Variants in TNFRSF19 observed in about 807,000 individuals in gnomAD.
TNFRSF19 encodes the protein tumor necrosis factor receptor superfamily member 19.
In TNFRSF19, 27 loss-of-function variants were observed where a neutral mutation model predicts 46.4. That is an observed-to-expected ratio of 0.58 (90% CI 0.43 to 0.80). TNFRSF19 has a LOEUF of 0.80. Among genes scored for constraint, TNFRSF19 ranks in the 30% least tolerant of loss-of-function variants. TNFRSF19 has a pLI of 0.00. For missense variants in TNFRSF19, 511 were observed against 530.8 expected, an observed-to-expected ratio of 0.96 and a Z score of 0.37; for synonymous variants, 204 against 205.0, an observed-to-expected ratio of 1.00 and a Z score of 0.04.
At chr13:23,591,765 C>T (rs1453805172) in intron 2 of TNFRSF19, among the ~76,000 whole-genome samples, 3 of 140,362 alleles carry the variant, frequency 2.1e-5, no homozygotes, top group African/African-American at 8.2e-5. Flanking sequence ...TTCGCTTTGT[C>T]ACCAGGCTGG....
intron 5 of TNFRSF19, among the ~76,000 whole-genome samples, chr13:23,643,779 T>A (rs1057426854): frequency 6.6e-6 from 1 of 152,202 alleles, no homozygotes; most frequent in Non-Finnish European, 1.5e-5. Flanking sequence ...TCTAAATAAC[T>A]AAATAACCTC....
chr13:23,627,196 C>T (rs747111689), intron 5 of TNFRSF19, among the ~76,000 whole-genome samples: 2 of 152,164 alleles, frequency 1.3e-5, no homozygotes, highest in African/African-American at 4.8e-5. Context: ...GGTGGCATCT[C>T]TGCCTTCCCA....
intron 7 of TNFRSF19, among the ~76,000 whole-genome samples, chr13:23,664,522 CG>C (rs1203145908): frequency 3.9e-5 from 6 of 152,214 alleles, no homozygotes; most frequent in African/African-American, 1.4e-4. Flanking sequence ...CCAGTTCCCC[CG>C]TCCTCTTACT....
Position 23,659,568 on chromosome 13 carries a change from G to A in TNFRSF19, c.610+354G>A, listed in dbSNP as rs182553236. 2.2e-4 allele frequency among the ~76,000 whole-genome samples: 34 copies of A among 152,192 alleles called. No homozygotes were observed. Among genetic ancestry groups the A allele is most frequent in the Admixed American group, 6.5e-4 (10 of 15,296 alleles). On this transcript the variant is annotated intron_variant, in intron 6 of 9. Transcript: ENST00000248484. The surrounding 1 kb of genome is among the most constrained non-coding windows in gnomAD (Gnocchi z 4.9). ...GTCACCCAGGCTGGAGGGCAGTGGCGTGACTTCAGCTCATGGCAACCTCTG... is the reference window on the plus strand; with the variant it reads ...GTCACCCAGGCTGGAGGGCAGTGGCATGACTTCAGCTCATGGCAACCTCTG...
chr13:23,639,428 C>A (rs2138332413), intron 5 of TNFRSF19, among the ~76,000 whole-genome samples: 1 of 152,218 alleles, frequency 6.6e-6, no homozygotes, highest in African/African-American at 2.4e-5. Flanking sequence ...ATTCATATAG[C>A]CCCCGTAGCA....
At chr13:23,581,382 G>A (rs1000967114) in intron 1 of TNFRSF19, among the ~76,000 whole-genome samples, 13 of 151,996 alleles carry the variant, frequency 8.6e-5, no homozygotes, top group South Asian at 6.2e-4. Context: ...TCCTGACCGC[G>A]TGATCCGCCT....
At chr13:23,575,133 T>C (rs1413430452) in intron 1 of TNFRSF19, among the ~76,000 whole-genome samples, 1 of 152,210 alleles carries the variant, frequency 6.6e-6, no homozygotes, top group Non-Finnish European at 1.5e-5. Context: ...AAGCCAGCCC[T>C]AGGTCGGGGA....
At chr13:23,589,670 A>G (rs1327116529) in intron 1 of TNFRSF19, among the ~76,000 whole-genome samples, 1 of 152,360 alleles carries the variant, frequency 6.6e-6, no homozygotes, top group African/African-American at 2.4e-5. Context: ...GGGAATAATG[A>G]TAGGATCTAC....
intron 5 of TNFRSF19, among the ~76,000 whole-genome samples, chr13:23,633,356 G>C (rs1593272968): frequency 6.6e-6 from 1 of 152,214 alleles, no homozygotes; most frequent in Non-Finnish European, 1.5e-5. Context: ...CCAAAGTTCT[G>C]GGATTACAGG....
intron 5 of TNFRSF19, among the ~76,000 whole-genome samples, chr13:23,644,912 A>T (rs1046407352): frequency 2.0e-5 from 3 of 152,166 alleles, no homozygotes; most frequent in African/African-American, 7.2e-5. Flanking sequence ...TCCTAGTGTA[A>T]TCCTTCTGTG....
chr13:23,576,515 C>T (rs1402980915), intron 1 of TNFRSF19, among the ~76,000 whole-genome samples: 1 of 152,146 alleles, frequency 6.6e-6, no homozygotes, highest in African/African-American at 2.4e-5. Context: ...TCATACAACA[C>T]TCAAATGAGG....
intron 4 of TNFRSF19, among the ~76,000 whole-genome samples, chr13:23,616,293 TAAG>T (rs1309912475): frequency 6.6e-6 from 1 of 152,130 alleles, no homozygotes; most frequent in Non-Finnish European, 1.5e-5. Flanking sequence ...TATGAAAATC[TAAG>T]GAGTTCCTAC....
At chr13:23,595,781 G>A (rs1038179133) in intron 3 of TNFRSF19, among the ~76,000 whole-genome samples, 3 of 152,112 alleles carry the variant, frequency 2.0e-5, no homozygotes, top group Admixed American at 1.3e-4. Context: ...TACTCCTCAA[G>A]ACGAGCAACC....
rs1951818234 is a variant in TNFRSF19 at position 23,675,613 on chromosome 13, T to C, written c.*2233T>C. The C allele has an allele frequency of 6.6e-6, 1 of 152,142 alleles. No individual in the cohort carries two copies. Among genetic ancestry groups the C allele is most frequent in the Admixed American group, 6.5e-5 (1 of 15,274 alleles). 9.4% of individuals were successfully genotyped at this position (152,142 alleles called of 1,614,324 possible). ...TATATTTTACACTCCTTGGAAACAT[T>C]TGAGGAAAAAAATGCAATTTGCACT... On this transcript the variant is annotated 3_prime_UTR_variant, in exon 10 of 10. Coordinates refer to ENST00000248484, the MANE Select transcript of TNFRSF19 (RefSeq NM_148957.4).
At chr13:23,663,102 A>G (rs9580711) in intron 7 of TNFRSF19, among the ~76,000 whole-genome samples, 4,242 of 152,288 alleles carry the variant, frequency 0.028, 212 homozygotes, top group African/African-American at 0.098. Context: ...GCCAGTTTTC[A>G]AGGGGAATGC....
rs771811988 is a variant in TNFRSF19, at chr13:23,668,995, A to T, written c.1143A>T (p.Thr381=). 2 of 1,614,068 alleles carry T rather than the reference A, an allele frequency of 1.2e-6. No individual in the cohort carries two copies. The highest frequency in any genetic ancestry group is 3.3e-5 in the Admixed American group (2 of 60,002). The change falls in exon 9 of 10, where the codon ACA becomes ACT. Residue 381 remains threonine (T), a synonymous_variant. Coordinates refer to ENST00000248484, the MANE Select transcript of TNFRSF19 (RefSeq NM_148957.4). ...AATDLSRYNN[T]LVESASTQDA... is the part of the protein sequence containing the mutation. Reference sequence around the variant, plus strand: ...CTGATTTATCTAGATATAACAACACACTGGTAGAATCAGCATCAACTCAGG... The same window carrying T: ...CTGATTTATCTAGATATAACAACACTCTGGTAGAATCAGCATCAACTCAGG...
At chr13:23,572,414 A>C (rs983550779) in intron 1 of TNFRSF19, among the ~76,000 whole-genome samples, 2 of 152,204 alleles carry the variant, frequency 1.3e-5, no homozygotes, top group African/African-American at 4.8e-5. Context: ...AAAGAAAATT[A>C]GCCTTTTAAA....
At chr13:23,663,250 C>T (rs1489718344) in intron 7 of TNFRSF19, among the ~76,000 whole-genome samples, 2 of 152,070 alleles carry the variant, frequency 1.3e-5, no homozygotes, top group East Asian at 3.9e-4. Flanking sequence ...TATTGAAAGC[C>T]TTTTCTGCAT....
intron 7 of TNFRSF19, among the ~76,000 whole-genome samples, chr13:23,660,861 T>C (rs1884319561): frequency 6.6e-6 from 1 of 152,192 alleles, no homozygotes; most frequent in Non-Finnish European, 1.5e-5. Flanking sequence ...TTTAAAAATA[T>C]GTCTATTATA....
Sources: gnomAD v4.1 joint callset for allele counts (sites outside exome capture counted in the v4.1 genomes callset) on GRCh38, gnomAD v4.1.1 for gene constraint, Gnocchi (gnomAD v3.1) non-coding constraint, MANE v1.5 for transcripts, NCBI Gene and HGNC (gene_info 2026-07-23, HGNC 2026-07-21) for gene names.